Variants in MSRA observed in about 807,000 individuals in gnomAD.
MSRA encodes the protein mitochondrial peptide methionine sulfoxide reductase.
In MSRA, 54 loss-of-function variants were observed where a neutral mutation model predicts 31.3. That is an observed-to-expected ratio of 1.73 (90% confidence interval 1.39 to 2.17). The LOEUF is 2.17. Ranked by LOEUF, MSRA falls within the 30% of genes most tolerant of loss-of-function variation. The pLI is 0.00. For synonymous variants in MSRA, 169 were observed against 116.5 expected (o/e 1.45, Z -2.90); for missense variants, 507 against 300.9 (o/e 1.69, Z -5.07).
At chr8:10,219,806 C>CAAAAAA (rs59393980) in intron 2 of MSRA, among the ~76,000 whole-genome samples, 738 of 57,090 alleles carry the variant, frequency 0.013, 121 homozygotes, top group African/African-American at 0.062. Context: ...ACTCTGTCTC[C>CAAAAAA]AAAAAAAAAA....
At chr8:10,101,024 C>G (rs1364626546) in intron 1 of MSRA, among the ~76,000 whole-genome samples, 1 of 152,174 alleles carries the variant, frequency 6.6e-6, no homozygotes, top group Non-Finnish European at 1.5e-5. Flanking sequence ...TCAAATTGTT[C>G]TCAAAGACCC....
chr8:10,138,490 C>G (rs1329507330), intron 1 of MSRA, among the ~76,000 whole-genome samples: 1 of 152,112 alleles, frequency 6.6e-6, no homozygotes, highest in Non-Finnish European at 1.5e-5. Context: ...TGTTCCTTTG[C>G]CAGGATAAGA....
At chr8:10,322,321 A>G (rs916333156) in intron 5 of MSRA, among the ~76,000 whole-genome samples, 12 of 138,920 alleles carry the variant, frequency 8.6e-5, no homozygotes, top group Non-Finnish European at 1.2e-4. Context: ...TTGGGCAGCT[A>G]TTATAGGATT....
intron 4 of MSRA, among the ~76,000 whole-genome samples, chr8:10,311,196 A>G (rs1168401439): frequency 6.6e-6 from 1 of 152,220 alleles, no homozygotes; most frequent in African/African-American, 2.4e-5. Flanking sequence ...CAAATTGCCC[A>G]CTGAAAGCAG....
At chr8:10,138,860 T>TAGC (rs566252302) in intron 1 of MSRA, among the ~76,000 whole-genome samples, 63 of 152,140 alleles carry the variant, frequency 4.1e-4, no homozygotes, top group East Asian at 1.2e-3. Context: ...CTTAAAATGA[T>TAGC]AGCAGCAGCA....
chr8:10,322,633 G>T (rs534228320), intron 5 of MSRA, among the ~76,000 whole-genome samples: 1 of 152,296 alleles, frequency 6.6e-6, no homozygotes. Flanking sequence ...TTGCAGGGAG[G>T]ATTGTTAGGA....
intron 1 of MSRA, among the ~76,000 whole-genome samples, chr8:10,169,426 C>CAAACAG (rs1381443597): frequency 6.6e-6 from 1 of 152,156 alleles, no homozygotes; most frequent in Non-Finnish European, 1.5e-5. Flanking sequence ...TTACTGTTTG[C>CAAACAG]TTATTTTAGA....
rs1371194828 is a variant in MSRA, at chr8:10,176,534, G to T, written c.143-31299G>T. On this transcript the variant is annotated intron_variant, in intron 1 of 5. Coordinates refer to ENST00000317173, the MANE Select transcript of MSRA (RefSeq NM_012331.5). ...TTCCTTCTTCATGGTAGGGTCCAGG[G>T]CTGAATGCTCACACTTGTGTATCAT... is the stretch of plus-strand genomic sequence containing the variant. 5.3e-5 allele frequency among the ~76,000 whole-genome samples: 8 copies of T among 152,318 alleles called. No individual in the cohort carries two copies. In the East Asian group the frequency reaches 1.2e-3, roughly 22 times the overall value.
At chr8:10,125,578 G>T (rs1801440645) in intron 1 of MSRA, among the ~76,000 whole-genome samples, 1 of 152,186 alleles carries the variant, frequency 6.6e-6, no homozygotes, top group Non-Finnish European at 1.5e-5. Flanking sequence ...CCAGGCTCCT[G>T]AACCGGGCTA....
At chr8:10,322,250 G>C (rs1802084917) in intron 5 of MSRA, among the ~76,000 whole-genome samples, 2 of 152,144 alleles carry the variant, frequency 1.3e-5, no homozygotes, top group African/African-American at 2.4e-5. Context: ...CTCAAAGAGA[G>C]AGCAATGACC....
At chr8:10,283,504 T>C (rs1264577305) in intron 3 of MSRA, among the ~76,000 whole-genome samples, 1 of 151,930 alleles carries the variant, frequency 6.6e-6, no homozygotes, top group African/African-American at 2.4e-5. Context: ...GTGCATTCTT[T>C]AGTGGTGATT....
At chr8:10,071,556 A>T (rs2128918398) in intron 1 of MSRA, among the ~76,000 whole-genome samples, 1 of 148,602 alleles carries the variant, frequency 6.7e-6, no homozygotes, top group South Asian at 2.1e-4. Context: ...TCATGTTTTC[A>T]TGTCAAGTCT....
At chr8:10,305,132 T>C (rs1445193135) in intron 4 of MSRA, among the ~76,000 whole-genome samples, 1 of 152,188 alleles carries the variant, frequency 6.6e-6, no homozygotes, top group Non-Finnish European at 1.5e-5. Context: ...GAAGGGGCCT[T>C]AAATTTTTTT....
At chr8:10,352,276 A>G (rs1467845336) in intron 5 of MSRA, among the ~76,000 whole-genome samples, 5 of 152,236 alleles carry the variant, frequency 3.3e-5, no homozygotes, top group Non-Finnish European at 4.4e-5. Flanking sequence ...TATAGATATG[A>G]AGACATTACA....
At chr8:10,075,888 C>T (rs571983070) in intron 1 of MSRA, among the ~76,000 whole-genome samples, 11 of 152,238 alleles carry the variant, frequency 7.2e-5, no homozygotes, top group South Asian at 4.2e-4. Flanking sequence ...TCATTTATGC[C>T]GTGGAGTGTG....
chr8:10,187,775 G>C (rs142315659), intron 1 of MSRA, among the ~76,000 whole-genome samples: 59 of 152,286 alleles, frequency 3.9e-4, no homozygotes, highest in Middle Eastern at 3.4e-3. Flanking sequence ...CTGCCAGCAA[G>C]GAATTGTACT....
intron 1 of MSRA, among the ~76,000 whole-genome samples, chr8:10,195,159 G>T (rs1735000925): frequency 6.6e-6 from 1 of 152,220 alleles, no homozygotes; most frequent in Non-Finnish European, 1.5e-5. Flanking sequence ...ATCTTGTGAT[G>T]ACTGTCTTTG....
intron 1 of MSRA, among the ~76,000 whole-genome samples, chr8:10,096,885 T>A (rs961507420): frequency 5.3e-5 from 8 of 152,210 alleles, no homozygotes; most frequent in Non-Finnish European, 7.3e-5. Context: ...GATTAAGTTA[T>A]GACTTCCTAT....
At chr8:10,136,541 G>A (rs892906901) in intron 1 of MSRA, among the ~76,000 whole-genome samples, 3 of 152,240 alleles carry the variant, frequency 2.0e-5, no homozygotes, top group African/African-American at 4.8e-5. Flanking sequence ...CTATGGACTT[G>A]TCCTCATTTT....
Sources: allele counts gnomAD v4.1 joint callset (sites outside exome capture counted in the v4.1 genomes callset), GRCh38; gene constraint gnomAD v4.1.1; transcripts MANE v1.5; gene names NCBI Gene and HGNC (gene_info 2026-07-23, HGNC 2026-07-21).